TENM1: variants seen among roughly 807,000 people sequenced by gnomAD.
The protein encoded by TENM1 is teneurin transmembrane protein 1.
A neutral mutation model predicts 174.8 loss-of-function variants in TENM1; 35 were observed. The observed-to-expected ratio is 0.20, with a 90% CI of 0.15 to 0.27. The LOEUF (loss-of-function observed/expected upper bound fraction) is 0.27. Among genes scored for constraint, TENM1 ranks in the 10% least tolerant of loss-of-function variants. The probability of loss-of-function intolerance (pLI) is 1.00; values close to 1 mark genes in which losing one functional copy is unlikely to be tolerated. For synonymous variants in TENM1, 781 were observed against 798.7 expected, an observed-to-expected ratio of 0.98 and a Z score of 0.37; for missense variants, 1,633 against 2,130.1, an observed-to-expected ratio of 0.77 and a Z score of 4.59.
chrX:125,017,777 C>G, the TENM1 span, among the ~76,000 whole-genome samples: 3 of 111,351 alleles, frequency 2.7e-5, no homozygotes, highest in African/African-American at 9.8e-5. Context: ...GAACAGAAAA[C>G]CAAATACTGC....
At chrX:125,139,262 G>A in the TENM1 span, among the ~76,000 whole-genome samples, 1 of 110,983 alleles carries the variant, frequency 9.0e-6, no homozygotes, top group Non-Finnish European at 1.9e-5. Context: ...GTGAGAGAAT[G>A]GGGGGATGAG....
At chrX:124,698,040 C>T (rs1325449604) in intron 5 of TENM1, among the ~76,000 whole-genome samples, 3 of 111,698 alleles carry the variant, frequency 2.7e-5, no homozygotes, top group African/African-American at 9.7e-5. Flanking sequence ...TTGAGAACCA[C>T]TATTTTATCT....
chrX:125,182,546 G>T, the TENM1 span, among the ~76,000 whole-genome samples: 1 of 109,396 alleles, frequency 9.1e-6, no homozygotes, highest in African/African-American at 3.3e-5. Flanking sequence ...GCCTTACTCA[G>T]TAGGTTTTGA....
the TENM1 span, among the ~76,000 whole-genome samples, chrX:125,075,816 T>A: frequency 9.0e-6 from 1 of 111,411 alleles, no homozygotes; most frequent in East Asian, 2.8e-4. Flanking sequence ...CACATCACCA[T>A]GCTGCCACTA....
chrX:125,021,845 C>A, the TENM1 span, among the ~76,000 whole-genome samples: 1 of 112,740 alleles, frequency 8.9e-6, no homozygotes, highest in East Asian at 2.8e-4. Context: ...ATTGTTAGCT[C>A]ACAAACCATA....
intron 3 of TENM1, among the ~76,000 whole-genome samples, chrX:124,870,836 T>C (rs1202475134): frequency 9.0e-6 from 1 of 111,440 alleles, no homozygotes; most frequent in Non-Finnish European, 1.9e-5. Flanking sequence ...TCGACTCATA[T>C]ATTTTGTCTA....
chrX:125,183,133 G>C, the TENM1 span, among the ~76,000 whole-genome samples: 1 of 112,089 alleles, frequency 8.9e-6, no homozygotes, highest in Non-Finnish European at 1.9e-5. Context: ...GGTTTCATCA[G>C]AATAGCCATG....
chrX:124,752,920 G>T (rs1374714780), intron 3 of TENM1, among the ~76,000 whole-genome samples: 4 of 110,955 alleles, frequency 3.6e-5, no homozygotes, highest in Non-Finnish European at 5.7e-5. Flanking sequence ...TTGAAGTCAG[G>T]TAGCATGATG....
At chrX:124,376,981 A>G (rs1038875578) in exon 32 of TENM1, 59 of 110,398 alleles carry the variant, frequency 5.3e-4, no homozygotes, top group African/African-American at 1.8e-3. Context: ...TTTCTTTTCA[A>G]TACTTCGTTA....
chrX:125,102,883 AC>A, the TENM1 span, among the ~76,000 whole-genome samples: 5 of 111,890 alleles, frequency 4.5e-5, no homozygotes, highest in African/African-American at 1.6e-4. Context: ...CCATCTCAGT[AC>A]CCAGTCACCA....
the TENM1 span, among the ~76,000 whole-genome samples, chrX:125,017,531 C>A: frequency 9.0e-6 from 1 of 111,383 alleles, no homozygotes; most frequent in Non-Finnish European, 1.9e-5. Context: ...GGTATATACC[C>A]AAAGGATTAT....
the TENM1 span, among the ~76,000 whole-genome samples, chrX:125,164,271 T>C: frequency 2.1e-4 from 23 of 111,274 alleles, no homozygotes; most frequent in African/African-American, 6.9e-4. Flanking sequence ...ACCCTCACCC[T>C]CCTCCAGCCA....
intron 23 of TENM1, among the ~76,000 whole-genome samples, chrX:124,436,721 C>T (rs764122254): frequency 1.8e-5 from 2 of 109,998 alleles, no homozygotes; most frequent in South Asian, 7.9e-4. Context: ...GGACTAGGTC[C>T]TACCTCCATG....
intron 5 of TENM1, among the ~76,000 whole-genome samples, chrX:124,690,484 AGTGTGTGTGTGTGTGTGT>A (rs58386633): frequency 8.6e-5 from 8 of 93,489 alleles, no homozygotes; most frequent in Non-Finnish European, 1.3e-4. Flanking sequence ...GCTTTGTTAG[AGTGTGTGTGTGTGTGTGT>A]GTGTGTGTGT....
At chrX:124,422,417 G>A in exon 24 of TENM1, 1 of 1,211,826 alleles carries the variant, frequency 8.3e-7, no homozygotes, top group Admixed American at 2.2e-5. Context: ...GCAGCCCGCT[G>A]TGGGAGACAC....
intron 21 of TENM1, among the ~76,000 whole-genome samples, chrX:124,483,348 C>T (rs1255319781): frequency 1.8e-5 from 2 of 111,555 alleles, no homozygotes; most frequent in Admixed American, 9.6e-5. Flanking sequence ...ATCTCCCTCT[C>T]CTGCCCTGCC....
At chrX:125,166,646 T>C in the TENM1 span, among the ~76,000 whole-genome samples, 1 of 111,833 alleles carries the variant, frequency 8.9e-6, no homozygotes, top group African/African-American at 3.2e-5. Flanking sequence ...TTAATGTGTC[T>C]GTGAAATGAC....
intron 11 of TENM1, among the ~76,000 whole-genome samples, chrX:124,593,968 G>C (rs2049828054): frequency 8.9e-6 from 1 of 112,410 alleles, no homozygotes; most frequent in African/African-American, 3.2e-5. Context: ...CACACTTCTA[G>C]GTTGCCAAGC....
At chrX:124,785,062 G>C (rs191703774) in intron 3 of TENM1, among the ~76,000 whole-genome samples, 2 of 111,860 alleles carry the variant, frequency 1.8e-5, no homozygotes, top group Admixed American at 1.9e-4. Context: ...GCAATGGTTT[G>C]AGGCTATTGT....
Sources: allele counts gnomAD v4.1 joint callset (sites outside exome capture counted in the v4.1 genomes callset), GRCh38; gene constraint gnomAD v4.1.1; transcripts MANE v1.5; gene names NCBI Gene and HGNC (gene_info 2026-07-23, HGNC 2026-07-21).